The following CASZ1 variants were observed in gnomAD, a reference collection of about 807,000 sequenced individuals.
CASZ1 encodes the protein zinc finger protein castor homolog 1.
Under a neutral mutation model 135.2 loss-of-function variants are expected in CASZ1, and 28 were observed. That is an observed-to-expected ratio of 0.21 (90% CI 0.15 to 0.28). The LOEUF (loss-of-function observed/expected upper bound fraction) is 0.28. Among genes scored for constraint, CASZ1 ranks in the 10% least tolerant of loss-of-function variants. The probability of loss-of-function intolerance (pLI) is 1.00; values close to 1 mark genes in which losing one functional copy is unlikely to be tolerated. For synonymous variants in CASZ1, 1,068 were observed against 1,073.4 expected, an observed-to-expected ratio of 0.99 and a Z score of 0.10; for missense variants, 2,161 against 2,453.3, an observed-to-expected ratio of 0.88 and a Z score of 2.52.
At chr1:10,675,093 A>C (rs1006272415) in intron 4 of CASZ1, among the ~76,000 whole-genome samples, 2 of 152,216 alleles carry the variant, frequency 1.3e-5, no homozygotes, top group African/African-American at 2.4e-5. Flanking sequence ...AAAGGGTTAT[A>C]TTACACCCGA....
At chr1:10,659,517 G>T (rs938936186) in intron 6 of CASZ1, among the ~76,000 whole-genome samples, 185 bp downstream of exon 6, 1 of 152,226 alleles carries the variant, frequency 6.6e-6, no homozygotes, top group Non-Finnish European at 1.5e-5. Flanking sequence ...AGTGCGGCGC[G>T]CACCTGTGTG....
intron 8 of CASZ1, 149 bp from the exon 9 acceptor site, chr1:10,655,962 G>A (rs757097605): frequency 1.4e-6 from 1 of 708,392 alleles, no homozygotes; most frequent in Non-Finnish European, 2.4e-6. Context: ...ATTGTCCAAG[G>A]CCAGTGGCAG....
intron 2 of CASZ1, among the ~76,000 whole-genome samples, chr1:10,729,411 C>T (rs1178355482): frequency 6.6e-6 from 1 of 152,190 alleles, no homozygotes; most frequent in Non-Finnish European, 1.5e-5. Context: ...TGAGAACTCC[C>T]CCACCCCCTT....
chr1:10,689,445 A>C (rs1638696655), intron 4 of CASZ1, among the ~76,000 whole-genome samples: 1 of 152,224 alleles, frequency 6.6e-6, no homozygotes, highest in South Asian at 2.1e-4. Flanking sequence ...CGACAAGGCC[A>C]GTAGAGAGGT....
intron 2 of CASZ1, among the ~76,000 whole-genome samples, chr1:10,752,205 C>G (rs752998150): frequency 3.3e-5 from 5 of 152,226 alleles, no homozygotes; most frequent in Non-Finnish European, 7.4e-5. Context: ...AGCAGGCTGT[C>G]GTCCCTGACC....
chr1:10,691,356 CCCTGAGGGT>C (rs1638762347), intron 4 of CASZ1, among the ~76,000 whole-genome samples: 1 of 152,162 alleles, frequency 6.6e-6, no homozygotes, highest in African/African-American at 2.4e-5. Flanking sequence ...TCCACATGGC[CCCTGAGGGT>C]CCTGAGGTCC....
At chr1:10,793,162 ACTTT>A (rs1045555888) in intron 1 of CASZ1, among the ~76,000 whole-genome samples, 4 of 150,174 alleles carry the variant, frequency 2.7e-5, no homozygotes, top group African/African-American at 7.4e-5. Context: ...TATTTAACTG[ACTTT>A]CTTATTTTTT....
intron 2 of CASZ1, among the ~76,000 whole-genome samples, chr1:10,718,803 C>G (rs1639441839): frequency 6.6e-6 from 1 of 152,254 alleles, no homozygotes; most frequent in Admixed American, 6.5e-5. Flanking sequence ...GGGCACTTAA[C>G]CTGCAGGAGC....
In CASZ1 at chr1:10,649,210, C is replaced by A; in HGVS notation, c.3036-18G>T. 6.2e-7 allele frequency: 1 copy of A among 1,612,354 alleles called. No individual in the cohort carries two copies. On this transcript the variant is annotated intron_variant, in intron 14 of 20. Transcript: ENST00000377022. ...TACCAAACCTAGCCAGAGGAGCTGG[C>A]GTTAGAGGAGAGCCTGGGGCTCCAG... is the stretch of plus-strand genomic sequence containing the variant.
rs752586999 is a variant in CASZ1, at chr1:10,639,587, G to A, written c.4635C>T (p.Ala1545=). The A allele has an allele frequency of 4.3e-6, 7 of 1,611,708 alleles. No individual in the cohort carries two copies. The Admixed American group carries it at 6.7e-5, about 15-fold the overall frequency. Residue 1545 remains alanine, a synonymous_variant, in exon 21 of 21, where the codon GCC becomes GCT. Coordinates refer to ENST00000377022, the MANE Select transcript of CASZ1 (RefSeq NM_001079843.3). The surrounding 1 kb of genome is among the most constrained non-coding windows in gnomAD (Gnocchi z 4.0). ...KHHGKQDVIS[A]AGFCQFSSSA... The stretch of plus-strand genomic sequence containing the variant: ...TGGAGCTGAACTGGCAGAAGCCCGC[G>A]GCGCTGATCACGTCCTGTTTGCCGT...
rs879322042 is a variant in CASZ1, at chr1:10,719,382, G to C, written c.-76-13838C>G. On this transcript the variant is annotated intron_variant, in intron 2 of 20. Coordinates refer to ENST00000377022, the MANE Select transcript of CASZ1 (RefSeq NM_001079843.3). The surrounding 1 kb of genome is among the most constrained non-coding windows in gnomAD (Gnocchi z 4.0). Reference sequence around the variant, plus strand: ...GCCTTCCCTTTAGACCTGAAAAGCTGCAACCTGCCCACGAACTGTGGAGAA... The same window carrying C: ...GCCTTCCCTTTAGACCTGAAAAGCTCCAACCTGCCCACGAACTGTGGAGAA... Among the ~76,000 whole-genome samples the C allele has an allele frequency of 6.6e-6, 1 of 152,210 alleles. No homozygotes were observed. The highest frequency in any genetic ancestry group is 1.5e-5 in the Non-Finnish European group (1 of 68,030).
At chr1:10,684,648 C>T (rs555773616) in intron 4 of CASZ1, among the ~76,000 whole-genome samples, 1 of 152,194 alleles carries the variant, frequency 6.6e-6, no homozygotes, top group African/African-American at 2.4e-5. Context: ...CAGTTCTGGG[C>T]AAACTGGGGT....
intron 1 of CASZ1, among the ~76,000 whole-genome samples, chr1:10,789,524 G>GTCTCTC (rs138435396): frequency 6.8e-6 from 1 of 147,504 alleles, no homozygotes; most frequent in Non-Finnish European, 1.5e-5. Context: ...ACACGTCCCT[G>GTCTCTC]TCTCTCTCTC....
At chr1:10,715,932 T>C (rs111503991) in intron 2 of CASZ1, among the ~76,000 whole-genome samples, 3,578 of 20,612 alleles carry the variant, frequency 0.17, no homozygotes, top group Admixed American at 0.18. Context: ...CCAATCCGCT[T>C]CCCACAGCAC....
At chr1:10,674,074 G>T (rs987852528) in intron 4 of CASZ1, among the ~76,000 whole-genome samples, 2 of 152,244 alleles carry the variant, frequency 1.3e-5, no homozygotes, top group African/African-American at 4.8e-5. Flanking sequence ...CAGGCCCTAA[G>T]GTATCCTGAG....
intron 4 of CASZ1, among the ~76,000 whole-genome samples, chr1:10,688,625 C>T (rs1638669290): frequency 6.6e-6 from 1 of 152,296 alleles, no homozygotes; most frequent in Non-Finnish European, 1.5e-5. Context: ...GGGGCCCGGG[C>T]AGTCCTCATT....
chr1:10,776,718 G>A lies in CASZ1; in HGVS notation c.-233-15861C>T, dbSNP rs568107699. 6.6e-6 allele frequency among the ~76,000 whole-genome samples: 1 copy of A among 152,336 alleles called. No homozygotes were observed. Among genetic ancestry groups the A allele is most frequent in the South Asian group, 2.1e-4 (1 of 4,834 alleles). The stretch of plus-strand genomic sequence containing the variant: ...GGGTTGGCTGCATGGCACAGCTGCG[G>A]ACTCCAGACGGTGGCAAGAAGCTCC... On this transcript the variant is annotated intron_variant, in intron 1 of 20. Coordinates refer to ENST00000377022, the MANE Select transcript of CASZ1 (RefSeq NM_001079843.3). The surrounding 1 kb of genome is among the most constrained non-coding windows in gnomAD (Gnocchi z 4.1).
intron 4 of CASZ1, among the ~76,000 whole-genome samples, chr1:10,686,083 G>GCCCCCACCTGA (rs1638577308): frequency 6.6e-6 from 1 of 152,104 alleles, no homozygotes; most frequent in Non-Finnish European, 1.5e-5. Flanking sequence ...TGACCCCGTG[G>GCCCCCACCTGA]CCCCCACCTG....
chr1:10,741,190 T>C lies in CASZ1; in HGVS notation c.-77+19511A>G, dbSNP rs1479135430. ...CAGAGACGGGGTTTCACCATGTTGGTCAGGCTGGTCTCCAACTCCTGACCT... is the reference window on the plus strand; with the variant it reads ...CAGAGACGGGGTTTCACCATGTTGGCCAGGCTGGTCTCCAACTCCTGACCT... On this transcript the variant is annotated intron_variant, in intron 2 of 20. Coordinates refer to ENST00000377022, the MANE Select transcript of CASZ1 (RefSeq NM_001079843.3). This position sits in a 1 kb window ranked among gnomAD's most constrained non-coding sequence, Gnocchi z 5.0. 6.6e-6 allele frequency among the ~76,000 whole-genome samples: 1 copy of C among 151,746 alleles called. No homozygotes were observed. Among genetic ancestry groups the C allele is most frequent in the Non-Finnish European group, 1.5e-5 (1 of 67,926 alleles).
Sources: allele counts gnomAD v4.1 joint callset (sites outside exome capture counted in the v4.1 genomes callset), GRCh38; gene constraint gnomAD v4.1.1; non-coding constraint Gnocchi (gnomAD v3.1); transcripts MANE v1.5; gene names NCBI Gene and HGNC (gene_info 2026-07-23, HGNC 2026-07-21).